The following WDR70 variants were observed in gnomAD, a reference collection of about 807,000 sequenced individuals.
WDR70 encodes WD repeat-containing protein 70.
WDR70 carries 53 observed loss-of-function variants against 88.6 expected under a neutral mutation model. The ratio of observed to expected loss-of-function variants is 0.60; its 90% confidence interval spans 0.48 to 0.75. The LOEUF is 0.75. WDR70 is among the 30% of genes least tolerant of loss of function. The pLI, the probability that WDR70 is intolerant of heterozygous loss-of-function variation, is 0.00. For missense variants in WDR70, 610 were observed against 823.2 expected, an observed-to-expected ratio of 0.74 and a Z score of 3.17; for synonymous variants, 280 against 270.0, an observed-to-expected ratio of 1.04 and a Z score of -0.36.
chr5:37,728,951 C>T (rs998204531), intron 17 of WDR70, among the ~76,000 whole-genome samples: 3 of 152,198 alleles, frequency 2.0e-5, no homozygotes, highest in African/African-American at 7.2e-5. Context: ...CCTTCTCCCA[C>T]ATTTTTTTAT....
rs572608008 is a variant in WDR70, at chr5:37,584,771, G to A, written c.918-20293G>A. On this transcript the variant is annotated intron_variant, in intron 9 of 17. Transcript: ENST00000265107. ...GTTCCAGAAGCCATAGTGAGCCCTG[G>A]CAGCACTCACAGTAAAGGGGTGGAT... Among the ~76,000 whole-genome samples, 15 of 151,880 alleles carry A rather than the reference G, an allele frequency of 9.9e-5. No individual in the cohort carries two copies. The East Asian group carries it at 2.9e-3, about 29-fold the overall frequency.
At chr5:37,556,347 G>A (rs1034083259) in intron 9 of WDR70, among the ~76,000 whole-genome samples, 4 of 151,982 alleles carry the variant, frequency 2.6e-5, no homozygotes, top group Non-Finnish European at 4.4e-5. Flanking sequence ...AGACTAGCAA[G>A]TCCCTTAACT....
At chr5:37,381,576 C>T (rs1466749338) in intron 2 of WDR70, 26 bp from the exon 3 acceptor site, 29 of 1,600,956 alleles carry the variant, frequency 1.8e-5, no homozygotes, top group Non-Finnish European at 2.3e-5. Context: ...AAGACAATCA[C>T]AGTCTCCCAT....
At chr5:37,627,401 G>A (rs1744698314) in intron 10 of WDR70, among the ~76,000 whole-genome samples, 1 of 152,126 alleles carries the variant, frequency 6.6e-6, no homozygotes, top group Admixed American at 6.6e-5. Context: ...GAGCTACCAT[G>A]CCAGGCCTCA....
chr5:37,581,662 G>A (rs1743219660), intron 9 of WDR70, among the ~76,000 whole-genome samples: 2 of 152,124 alleles, frequency 1.3e-5, no homozygotes, highest in Admixed American at 1.3e-4. Flanking sequence ...TTTAATGTTT[G>A]TTAGATTTCT....
chr5:37,693,298 T>C (rs994975024), intron 10 of WDR70, among the ~76,000 whole-genome samples: 2 of 152,180 alleles, frequency 1.3e-5, no homozygotes, highest in African/African-American at 4.8e-5. Context: ...AGGTAATTTA[T>C]AGATTCAATG....
chr5:37,690,460 A>T (rs573141963), intron 10 of WDR70, among the ~76,000 whole-genome samples: 7 of 152,352 alleles, frequency 4.6e-5, no homozygotes, highest in African/African-American at 1.7e-4. Flanking sequence ...AGCAAGAAAG[A>T]AAGATCGGGT....
intron 7 of WDR70, among the ~76,000 whole-genome samples, chr5:37,450,203 A>G (rs1738631681): frequency 6.6e-6 from 1 of 152,168 alleles, no homozygotes; most frequent in African/African-American, 2.4e-5. Flanking sequence ...TGCTGCAATA[A>G]ACATATGTGT....
chr5:37,456,959 G>T (rs1306107121), intron 7 of WDR70, among the ~76,000 whole-genome samples: 1 of 152,104 alleles, frequency 6.6e-6, no homozygotes, highest in Non-Finnish European at 1.5e-5. Context: ...TAATAAAGAA[G>T]GAAAAATTAA....
At chr5:37,676,717 A>T (rs1169147714) in intron 10 of WDR70, among the ~76,000 whole-genome samples, 1 of 151,492 alleles carries the variant, frequency 6.6e-6, no homozygotes, top group Non-Finnish European at 1.5e-5. Flanking sequence ...TGTCTCTGCC[A>T]GGCTTTGGTA....
intron 5 of WDR70, among the ~76,000 whole-genome samples, chr5:37,412,259 C>A (rs10066785): frequency 6.6e-6 from 1 of 151,988 alleles, no homozygotes; most frequent in African/African-American, 2.4e-5. Context: ...TGGTGGAGCA[C>A]GCCTGTAATC....
At chr5:37,546,362 C>T (rs1371679482) in intron 9 of WDR70, among the ~76,000 whole-genome samples, 3 of 152,128 alleles carry the variant, frequency 2.0e-5, no homozygotes. Flanking sequence ...ATGTCTACAC[C>T]TTCAAAAATG....
intron 10 of WDR70, among the ~76,000 whole-genome samples, chr5:37,631,030 C>T (rs1744799114): frequency 6.6e-6 from 1 of 152,102 alleles, no homozygotes; most frequent in South Asian, 2.1e-4. Flanking sequence ...TACCTTTTTC[C>T]CATGATGGAA....
intron 8 of WDR70, among the ~76,000 whole-genome samples, chr5:37,514,239 A>C (rs1740808239): frequency 6.7e-6 from 1 of 149,172 alleles, no homozygotes; most frequent in Non-Finnish European, 1.5e-5. Flanking sequence ...GGCTGATCTC[A>C]AACTGCGGAC....
In WDR70 at chr5:37,415,506, GGGC is replaced by G. The variant is rs1749690013; in HGVS notation, c.492+18937_492+18939del. On this transcript the variant is annotated intron_variant, in intron 5 of 17. Coordinates refer to ENST00000265107, the MANE Select transcript of WDR70 (RefSeq NM_018034.4). The stretch of plus-strand genomic sequence containing the variant: ...CGGAAGGGGCGGCTGGGGGTGGGGG[GGGC>G]CTGACCCCCCCACCTCACCTCCCTC... 2.5e-5 allele frequency among the ~76,000 whole-genome samples: 2 copies of G among 80,778 alleles called. 1 individual carries two copies. The highest frequency in any genetic ancestry group is 6.1e-5 in the Non-Finnish European group (2 of 32,544). 53.0% of individuals were successfully genotyped at this position (80,778 alleles called of 152,430 possible).
intron 9 of WDR70, among the ~76,000 whole-genome samples, chr5:37,598,756 A>G (rs1404171052): frequency 2.0e-5 from 3 of 152,212 alleles, no homozygotes; most frequent in Non-Finnish European, 4.4e-5. Flanking sequence ...AAGAACACAT[A>G]TTTTGAAACT....
At chr5:37,562,068 A>G (rs1291184502) in intron 9 of WDR70, among the ~76,000 whole-genome samples, 1 of 152,218 alleles carries the variant, frequency 6.6e-6, no homozygotes, top group Non-Finnish European at 1.5e-5. Flanking sequence ...TTTTAAAATG[A>G]CATACTAGGC....
chr5:37,477,483 A>G (rs1739523599), intron 7 of WDR70, among the ~76,000 whole-genome samples: 2 of 152,198 alleles, frequency 1.3e-5, no homozygotes, highest in African/African-American at 2.4e-5. Context: ...AGGGCTCACC[A>G]TAGTTGGCAG....
At chr5:37,501,482 A>T (rs1165627940) in intron 8 of WDR70, among the ~76,000 whole-genome samples, 6 of 152,194 alleles carry the variant, frequency 3.9e-5, no homozygotes, top group African/African-American at 1.4e-4. Flanking sequence ...AAAATATATT[A>T]ACATGGTAGC....
Sources: allele counts gnomAD v4.1 joint callset (sites outside exome capture counted in the v4.1 genomes callset), GRCh38; gene constraint gnomAD v4.1.1; transcripts MANE v1.5; gene names NCBI Gene and HGNC (gene_info 2026-07-23, HGNC 2026-07-21).